PCED1B: variants seen among roughly 807,000 people sequenced by gnomAD.
The protein encoded by PCED1B is PC-esterase domain containing 1B, also known as PC-esterase domain-containing protein 1B.
For missense variants in PCED1B, 573 were observed against 573.9 expected, an observed-to-expected ratio of 1.00 and a Z score of 0.02; for synonymous variants, 251 against 246.1, an observed-to-expected ratio of 1.02 and a Z score of -0.19.
intron 2 of PCED1B, among the ~76,000 whole-genome samples, chr12:47,214,778 T>G (rs1943199242): frequency 6.6e-6 from 1 of 152,248 alleles, no homozygotes; most frequent in Non-Finnish European, 1.5e-5. Flanking sequence ...TAGATTTCTT[T>G]TATAAATATA....
chr12:47,152,943 A>G (rs1333472343), intron 2 of PCED1B, among the ~76,000 whole-genome samples: 1 of 152,148 alleles, frequency 6.6e-6, no homozygotes, highest in Non-Finnish European at 1.5e-5. Flanking sequence ...TCAAAAAAAT[A>G]AAATAAAATA....
chr12:47,163,270 C>A (rs1941446396), intron 2 of PCED1B, among the ~76,000 whole-genome samples: 1 of 152,092 alleles, frequency 6.6e-6, no homozygotes, highest in Non-Finnish European at 1.5e-5. Flanking sequence ...ACTTTGTATC[C>A]TGCTACTTTG....
At chr12:47,098,814 A>G (rs1938585421) in intron 1 of PCED1B, among the ~76,000 whole-genome samples, 1 of 152,214 alleles carries the variant, frequency 6.6e-6, no homozygotes, top group South Asian at 2.1e-4. Context: ...GAGACTCAAA[A>G]GAGAGAGTCA....
intron 2 of PCED1B, among the ~76,000 whole-genome samples, chr12:47,158,494 G>A (rs1014474625): frequency 6.6e-6 from 1 of 151,896 alleles, no homozygotes; most frequent in African/African-American, 2.4e-5. Context: ...TTTTTGAATT[G>A]GGTTGTTTGC....
intron 2 of PCED1B, among the ~76,000 whole-genome samples, chr12:47,104,903 C>T (rs755864386): frequency 1.3e-5 from 2 of 152,174 alleles, no homozygotes; most frequent in African/African-American, 4.8e-5. Flanking sequence ...CCCAGGAAGC[C>T]GGCTCGCCCC....
intron 2 of PCED1B, among the ~76,000 whole-genome samples, chr12:47,181,672 A>T (rs755541164): frequency 1.3e-5 from 2 of 152,124 alleles, no homozygotes; most frequent in Non-Finnish European, 2.9e-5. Flanking sequence ...TGGCCGAGAT[A>T]GATTCTTTCT....
chr12:47,167,300 G>A (rs970562950), intron 2 of PCED1B, among the ~76,000 whole-genome samples: 1 of 152,138 alleles, frequency 6.6e-6, no homozygotes, highest in Non-Finnish European at 1.5e-5. Flanking sequence ...GGTACCCTTT[G>A]TGGTGACAAA....
rs73101448 is a variant in PCED1B at position 47,124,948 on chromosome 12, C to T, written c.-526+20753C>T. On this transcript the variant is annotated intron_variant, in intron 2 of 3. Transcript: ENST00000546455. ...CAGGTAAGTGATGAGCAAATATTCT[C>T]TCCCAATCTGTGCTTGAATTTTCAG... Among the ~76,000 whole-genome samples, 933 of 152,046 alleles carry T rather than the reference C, an allele frequency of 6.1e-3. 2 individuals carry two copies. The highest frequency in any genetic ancestry group is 0.011 in the Non-Finnish European group (756 of 67,826).
chr12:47,153,699 A>G (rs1377251259), intron 2 of PCED1B, among the ~76,000 whole-genome samples: 1 of 152,202 alleles, frequency 6.6e-6, no homozygotes, highest in Non-Finnish European at 1.5e-5. Context: ...GATTTTTCCA[A>G]TTACTCTACT....
chr12:47,113,518 G>T (rs1939288779), intron 2 of PCED1B, among the ~76,000 whole-genome samples: 1 of 152,134 alleles, frequency 6.6e-6, no homozygotes, highest in Non-Finnish European at 1.5e-5. Flanking sequence ...TGACGCTCCT[G>T]CTTCAAATCC....
At chr12:47,149,572 C>T (rs964928335) in intron 2 of PCED1B, among the ~76,000 whole-genome samples, 14 of 152,122 alleles carry the variant, frequency 9.2e-5, no homozygotes, top group Admixed American at 7.9e-4. Flanking sequence ...CTCTGGAGCC[C>T]GTCAACCTGA....
chr12:47,087,528 T>C (rs991304424), intron 1 of PCED1B, among the ~76,000 whole-genome samples: 1 of 152,200 alleles, frequency 6.6e-6, no homozygotes, highest in Non-Finnish European at 1.5e-5. Context: ...AGAGCCGTGA[T>C]ATGGTTGCTC....
At chr12:47,086,991 C>A (rs1163274508) in intron 1 of PCED1B, among the ~76,000 whole-genome samples, 1 of 152,090 alleles carries the variant, frequency 6.6e-6, no homozygotes, top group Non-Finnish European at 1.5e-5. Flanking sequence ...TAACACTAAA[C>A]AAAATAAAAT....
intron 2 of PCED1B, among the ~76,000 whole-genome samples, chr12:47,207,815 T>C (rs1942956441): frequency 6.6e-6 from 1 of 152,180 alleles, no homozygotes. Flanking sequence ...ATAAAACATT[T>C]TAGGGCTTTT....
intron 2 of PCED1B, among the ~76,000 whole-genome samples, chr12:47,213,064 A>T (rs908382556): frequency 1.3e-5 from 2 of 152,232 alleles, no homozygotes; most frequent in African/African-American, 4.8e-5. Flanking sequence ...TCCATCCTGA[A>T]TAGTGAAATC....
intron 2 of PCED1B, among the ~76,000 whole-genome samples, chr12:47,191,516 A>G (rs1287248470): frequency 6.6e-6 from 1 of 152,138 alleles, no homozygotes; most frequent in Non-Finnish European, 1.5e-5. Flanking sequence ...CAATGCATTC[A>G]CTTTACTCTC....
At chr12:47,088,163 G>T (rs914842045) in intron 1 of PCED1B, among the ~76,000 whole-genome samples, 1 of 152,218 alleles carries the variant, frequency 6.6e-6, no homozygotes, top group Non-Finnish European at 1.5e-5. Context: ...AGCTGTAAAA[G>T]AGTACTTGCC....
Position 47,235,114 on chromosome 12 carries a change from CGTG to C in PCED1B, c.54_56del (p.Val19del), listed in dbSNP as rs1211427827. 6.5e-7 allele frequency: 1 copy of C among 1,532,476 alleles called. No homozygotes were observed. Among genetic ancestry groups the C allele is most frequent in the Non-Finnish European group, 8.8e-7 (1 of 1,141,788 alleles). The allele number at this position is 1,532,476 out of a possible 1,614,324, so 94.9% of individuals were successfully genotyped here. Reference sequence around the variant, plus strand: ...TGCGGCAGCTGCTTCACAATAAGTTCGTGGTCATCCTGGGGGACTCTGTGCATA... The same window carrying C: ...TGCGGCAGCTGCTTCACAATAAGTTCGTCATCCTGGGGGACTCTGTGCATA... On this transcript the variant is annotated inframe_deletion, in exon 4 of 4. Coordinates refer to ENST00000546455, the MANE Select transcript of PCED1B (RefSeq NM_138371.3).
intron 2 of PCED1B, among the ~76,000 whole-genome samples, chr12:47,205,576 G>A (rs1318675709): frequency 6.6e-6 from 1 of 152,194 alleles, no homozygotes; most frequent in African/African-American, 2.4e-5. Flanking sequence ...ACCCAGGAAT[G>A]GTGTAACAGC....
Sources: gnomAD v4.1 joint callset for allele counts (sites outside exome capture counted in the v4.1 genomes callset) on GRCh38, gnomAD v4.1.1 for gene constraint, MANE v1.5 for transcripts, NCBI Gene and HGNC (gene_info 2026-07-23, HGNC 2026-07-21) for gene names.